The following BPTF variants were observed in gnomAD, a reference collection of about 807,000 sequenced individuals.
The protein encoded by BPTF is bromodomain PHD finger transcription factor, also known as nucleosome-remodeling factor subunit BPTF.
In BPTF, 18 loss-of-function variants were observed where a neutral mutation model predicts 292.5. The observed-to-expected ratio is 0.06, with a 90% CI of 0.04 to 0.09. BPTF has a LOEUF of 0.09. BPTF is among the 10% of genes least tolerant of loss of function. The probability of loss-of-function intolerance (pLI) is 1.00; values close to 1 mark genes in which losing one functional copy is unlikely to be tolerated. For missense variants in BPTF, 2,726 were observed against 3,498.7 expected, an observed-to-expected ratio of 0.78 and a Z score of 5.57; for synonymous variants, 1,225 against 1,251.9, an observed-to-expected ratio of 0.98 and a Z score of 0.45.
chr17:67,852,873 C>T (rs574908371), intron 1 of BPTF, among the ~76,000 whole-genome samples: 48 of 152,326 alleles, frequency 3.2e-4, no homozygotes, highest in Middle Eastern at 6.8e-3. Flanking sequence ...CGGTGGCTCA[C>T]GCCTGTAATC....
At chr17:67,909,494 ATTAC>A in intron 9 of BPTF, 84 bp from the exon 10 acceptor site, 1 of 876,914 alleles carries the variant, frequency 1.1e-6, no homozygotes, top group Middle Eastern at 3.9e-4. Flanking sequence ...CTTGCTGGAA[ATTAC>A]TTGTTTATTT....
intron 9 of BPTF, among the ~76,000 whole-genome samples, chr17:67,905,504 C>A (rs1352976493): frequency 1.3e-5 from 2 of 151,530 alleles, no homozygotes; most frequent in Non-Finnish European, 2.9e-5. Context: ...GCCAGGAGTT[C>A]AAGGCCAGCC....
chr17:67,931,042 G>A (rs1322396286), intron 17 of BPTF, among the ~76,000 whole-genome samples: 4 of 152,036 alleles, frequency 2.6e-5, no homozygotes, highest in East Asian at 1.9e-4. Context: ...CAAGGGGGGC[G>A]GATCACAAGG....
chr17:67,929,807 C>T (rs182561316), intron 17 of BPTF, among the ~76,000 whole-genome samples: 4 of 152,278 alleles, frequency 2.6e-5, no homozygotes, highest in Non-Finnish European at 5.9e-5. Flanking sequence ...TGTGCAGGCT[C>T]GCTAAGAAAT....
chr17:67,892,557 G>A (rs1349036500), intron 5 of BPTF, among the ~76,000 whole-genome samples: 3 of 152,224 alleles, frequency 2.0e-5, no homozygotes, highest in Admixed American at 2.0e-4. Flanking sequence ...TCAGCTAGCC[G>A]TGGTGACAGG....
chr17:67,979,693 C>T (rs1163737886), intron 27 of BPTF, among the ~76,000 whole-genome samples: 4 of 152,128 alleles, frequency 2.6e-5, no homozygotes, highest in Admixed American at 1.3e-4. Flanking sequence ...GCTTGGTTCT[C>T]CTTGCCATAG....
At position 67,931,928 on chromosome 17, in the gene BPTF, G is replaced by C; in HGVS notation, c.6168G>C (p.Gln2056His). The C allele has an allele frequency of 6.2e-7, 1 of 1,613,122 alleles. No homozygotes were observed. Among genetic ancestry groups the C allele is most frequent in the Non-Finnish European group, 8.5e-7 (1 of 1,179,682 alleles). ...TSNSQVITGP[Q>H]IRPGMTVIRT... ...ATTTATAGGTAATCACAGGGCCTCA[G>C]ATTCGCCCTGGTATGACCGTGATTA... is the stretch of plus-strand genomic sequence containing the variant. The change falls in exon 18 of 28, where the codon CAG becomes CAC. Residue 2056 changes from glutamine to histidine, a missense_variant. This residue lies in a region of BPTF where 570 missense variants were observed against 633.5 expected (regional missense o/e 0.90). Coordinates refer to ENST00000306378, the MANE Select transcript of BPTF (RefSeq NM_182641.4).
chr17:67,935,037 A>C lies in BPTF; in HGVS notation c.6259+3018A>C, dbSNP rs527554547. On this transcript the variant is annotated intron_variant, in intron 18 of 27. Coordinates refer to ENST00000306378, the MANE Select transcript of BPTF (RefSeq NM_182641.4). ...TTATTCAATACATATTTGAACACCT[A>C]CTCTAGGCAGTTGAAATAAATCAGT... 3.9e-5 allele frequency among the ~76,000 whole-genome samples: 6 copies of C among 152,234 alleles called. No individual in the cohort carries two copies. The South Asian group carries it at 1.2e-3, about 32-fold the overall frequency.
chr17:67,973,725 C>T (rs533195452), intron 26 of BPTF, among the ~76,000 whole-genome samples: 12 of 151,974 alleles, frequency 7.9e-5, no homozygotes, highest in African/African-American at 2.9e-4. Flanking sequence ...AGGGTGGTCT[C>T]GGAACTCATG....
intron 23 of BPTF, among the ~76,000 whole-genome samples, chr17:67,949,959 G>A (rs750518811): frequency 1.4e-4 from 21 of 150,452 alleles, no homozygotes; most frequent in Non-Finnish European, 2.5e-4. Flanking sequence ...AGTCTGAGGT[G>A]GGGAGAATTG....
intron 4 of BPTF, among the ~76,000 whole-genome samples, chr17:67,883,774 T>C (rs1463101723): frequency 6.6e-6 from 1 of 152,142 alleles, no homozygotes; most frequent in Non-Finnish European, 1.5e-5. Context: ...CTAATTTTTG[T>C]ATTTTTAGTA....
intron 1 of BPTF, among the ~76,000 whole-genome samples, chr17:67,839,983 T>C (rs1461884609): frequency 6.6e-6 from 1 of 152,146 alleles, no homozygotes; most frequent in Non-Finnish European, 1.5e-5. Context: ...TTAATAAGTA[T>C]ATAGTGATAT....
intron 27 of BPTF, among the ~76,000 whole-genome samples, chr17:67,976,743 T>G (rs2069527909): frequency 6.8e-6 from 1 of 147,950 alleles, no homozygotes; most frequent in African/African-American, 2.5e-5. Context: ...TTTCCTGAGC[T>G]GATGATTGTC....
intron 4 of BPTF, among the ~76,000 whole-genome samples, chr17:67,890,138 A>G (rs963512406): frequency 5.9e-5 from 9 of 152,212 alleles, no homozygotes; most frequent in African/African-American, 1.9e-4. Context: ...TTTGGAGTCA[A>G]AATCTTAAAA....
chr17:67,923,136 A>C, intron 14 of BPTF, 146 bp downstream of exon 14: 1 of 902,796 alleles, frequency 1.1e-6, no homozygotes, highest in Non-Finnish European at 1.6e-6. Context: ...GCTCACTGCA[A>C]CCTCTGCCTC....
intron 26 of BPTF, among the ~76,000 whole-genome samples, chr17:67,971,369 G>A (rs937947890): frequency 3.3e-5 from 5 of 151,372 alleles, no homozygotes; most frequent in South Asian, 2.1e-4. Flanking sequence ...GTGAGCCACC[G>A]CACCTGGCCC....
chr17:67,964,507 T>C, intron 25 of BPTF, 103 bp downstream of exon 25: 1 of 1,349,894 alleles, frequency 7.4e-7, no homozygotes, highest in Non-Finnish European at 1.0e-6. Flanking sequence ...GATTATTTAC[T>C]GACTCCCAGC....
At chr17:67,932,041 T>C (rs774298745) in intron 18 of BPTF, 22 bp downstream of exon 18, 3 of 1,578,928 alleles carry the variant, frequency 1.9e-6, no homozygotes, top group Admixed American at 1.7e-5. Flanking sequence ...TCCAGCATTA[T>C]CATTTTACAT....
At chr17:67,910,012 ATTAGCAG>A (rs1555649606) in intron 10 of BPTF, among the ~76,000 whole-genome samples, 2 of 152,202 alleles carry the variant, frequency 1.3e-5, no homozygotes, top group Non-Finnish European at 2.9e-5. Context: ...ATTCATACCC[ATTAGCAG>A]TTACTTCCCA....
Sources: allele counts gnomAD v4.1 joint callset (sites outside exome capture counted in the v4.1 genomes callset), GRCh38; gene constraint gnomAD v4.1.1; regional missense constraint gnomAD v4.1.1; transcripts MANE v1.5; gene names NCBI Gene and HGNC (gene_info 2026-07-23, HGNC 2026-07-21).